Variants in RGSL1 observed in about 807,000 individuals in gnomAD.
RGSL1 encodes the protein regulator of G protein signaling like 1.
RGSL1 carries 97 observed loss-of-function variants against 124.7 expected under a neutral mutation model. That is an observed-to-expected ratio of 0.78 (90% CI 0.66 to 0.92). RGSL1 has a LOEUF of 0.92. Ranked by LOEUF, RGSL1 falls within the 40% of genes least tolerant of loss-of-function variation. The pLI, the probability that RGSL1 is intolerant of heterozygous loss-of-function variation, is 0.00. For missense variants in RGSL1, 1,233 were observed against 1,288.4 expected (o/e 0.96, Z 0.66); for synonymous variants, 424 against 438.1 (o/e 0.97, Z 0.40).
At chr1:182,529,255 G>A (rs1228383166) in intron 11 of RGSL1, among the ~76,000 whole-genome samples, 1 of 152,144 alleles carries the variant, frequency 6.6e-6, no homozygotes, top group African/African-American at 2.4e-5. Flanking sequence ...TACTAATGAA[G>A]TAAAGGAAAC....
At chr1:182,559,458 A>G (rs1306698302) in intron 21 of RGSL1, among the ~76,000 whole-genome samples, 4 of 151,944 alleles carry the variant, frequency 2.6e-5, no homozygotes, top group Admixed American at 6.6e-5. Context: ...CTTCCTCTCT[A>G]TCCCACTGGC....
rs541076277 is a variant in RGSL1, at chr1:182,540,422, G to T, written c.2669+1G>T. 6.5e-7 allele frequency: 1 copy of T among 1,549,432 alleles called. No individual in the cohort carries two copies. The highest frequency in any genetic ancestry group is 2.0e-5 in the Admixed American group (1 of 50,744). On this transcript the variant is annotated splice_donor_variant, in intron 15 of 21. Transcript: ENST00000294854. LOFTEE classifies it high-confidence loss of function. ...TATATTTCTTTTCTGAAATGGAGAA[G>T]TAAGTTTTCCACTTCTCCTTCTTCT...
chr1:182,543,410 C>T (rs950082844), intron 15 of RGSL1, among the ~76,000 whole-genome samples: 4 of 152,018 alleles, frequency 2.6e-5, no homozygotes, highest in African/African-American at 7.2e-5. Context: ...CATTAGATCA[C>T]GGTGAATGAT....
At chr1:182,453,900 G>A (rs1652054593) in intron 1 of RGSL1, 58 bp from the exon 2 acceptor site, 10 of 920,530 alleles carry the variant, frequency 1.1e-5, no homozygotes, top group Non-Finnish European at 1.5e-5. Context: ...TTCATTTTCT[G>A]AACCTGAATG....
chr1:182,497,608 A>C, intron 9 of RGSL1, among the ~76,000 whole-genome samples: 1 of 152,108 alleles, frequency 6.6e-6, no homozygotes, highest in Middle Eastern at 3.2e-3. Flanking sequence ...CAATACAATG[A>C]TCAGAATCAG....
At chr1:182,519,857 G>C (rs1298086410) in intron 9 of RGSL1, among the ~76,000 whole-genome samples, 1 of 151,812 alleles carries the variant, frequency 6.6e-6, no homozygotes, top group Non-Finnish European at 1.5e-5. Flanking sequence ...TCATCTACTA[G>C]TTGTTACTTT....
Position 182,489,059 on chromosome 1 carries a change from G to A in RGSL1, c.1574G>A (p.Arg525Lys). ...GKEENILLYKRIQQSLELSQA... is the reference protein window; with the variant it reads ...GKEENILLYKKIQQSLELSQA... Reference sequence around the variant, plus strand: ...GAAGAGAACATTCTTCTTTATAAGAGGATTCAGCAGTCTCTAGAGTTAAGC... The same window carrying A: ...GAAGAGAACATTCTTCTTTATAAGAAGATTCAGCAGTCTCTAGAGTTAAGC... Residue 525 changes from arginine (R) to lysine (K), a missense_variant, in exon 8 of 22, where the codon AGG becomes AAG. Transcript: ENST00000294854. 6.4e-7 allele frequency: 1 copy of A among 1,551,648 alleles called. No individual in the cohort carries two copies. Among genetic ancestry groups the A allele is most frequent in the Non-Finnish European group, 8.7e-7 (1 of 1,146,984 alleles).
intron 6 of RGSL1, among the ~76,000 whole-genome samples, chr1:182,486,994 C>A (rs115223872): frequency 0.02 from 3,056 of 152,244 alleles, 99 homozygotes; most frequent in African/African-American, 0.07. Flanking sequence ...ACCTTTTAAA[C>A]CAAAAGGGAT....
At chr1:182,545,637 T>G (rs1189089996) in intron 15 of RGSL1, among the ~76,000 whole-genome samples, 1 of 152,200 alleles carries the variant, frequency 6.6e-6, no homozygotes, top group Non-Finnish European at 1.5e-5. Context: ...GGAAAGGCTC[T>G]CTCTCCTTCA....
rs1329129828 is a variant in RGSL1, at chr1:182,554,658, C to T, written c.3162C>T (p.Leu1054=). ...SSSSKLTQPR[L]VVSAMQLHPV... is the part of the protein sequence containing the mutation. ...CAAGCAAACTTACTCAGCCAAGACT[C>T]GTGGTATCTGCCATGCAGCTGCATC... The change falls in exon 20 of 22, where the codon CTC becomes CTT. Residue 1054 remains leucine (L), a synonymous_variant. Coordinates refer to ENST00000294854, the MANE Select transcript of RGSL1 (RefSeq NM_001137669.2). 6 of 1,551,680 alleles carry T rather than the reference C, an allele frequency of 3.9e-6. No homozygotes were observed. The highest frequency in any genetic ancestry group is 4.4e-6 in the Non-Finnish European group (5 of 1,146,994).
At chr1:182,526,501 C>CT (rs1658752041) in intron 10 of RGSL1, among the ~76,000 whole-genome samples, 1 of 128,514 alleles carries the variant, frequency 7.8e-6, no homozygotes, top group South Asian at 2.5e-4. Context: ...AACTCCGTCT[C>CT]TAAAAAAAAA....
intron 9 of RGSL1, among the ~76,000 whole-genome samples, chr1:182,513,536 T>A (rs1483326211): frequency 2.0e-5 from 3 of 152,232 alleles, no homozygotes; most frequent in African/African-American, 7.2e-5. Flanking sequence ...TGGGAGCAGT[T>A]AAACTTTAGA....
At chr1:182,544,056 G>A (rs2102308911) in intron 15 of RGSL1, among the ~76,000 whole-genome samples, 1 of 151,970 alleles carries the variant, frequency 6.6e-6, no homozygotes, top group East Asian at 1.9e-4. Context: ...GGTTTGGTTT[G>A]TTCTTGTTTT....
intron 9 of RGSL1, among the ~76,000 whole-genome samples, chr1:182,515,636 A>G (rs1313091432): frequency 6.6e-6 from 1 of 151,790 alleles, no homozygotes; most frequent in East Asian, 1.9e-4. Context: ...TCTTTCCGCC[A>G]GTTTAGACCA....
At chr1:182,552,717 T>A (rs540950228) in intron 18 of RGSL1, among the ~76,000 whole-genome samples, 1 of 152,208 alleles carries the variant, frequency 6.6e-6, no homozygotes, top group African/African-American at 2.4e-5. Flanking sequence ...GACGGGGAAG[T>A]CCAAGAGCAT....
chr1:182,530,911 G>T lies in RGSL1; in HGVS notation c.2364+1G>T. The T allele has an allele frequency of 1.3e-6, 2 of 1,545,744 alleles. No homozygotes were observed. Among genetic ancestry groups the T allele is most frequent in the Non-Finnish European group, 1.7e-6 (2 of 1,144,760 alleles). ...GTCAACTTACCTACAGGAATCCCAG[G>T]TTAGTGAAGAAGAAAGTGAAACAAG... On this transcript the variant is annotated splice_donor_variant, in intron 13 of 21. Coordinates refer to ENST00000294854, the MANE Select transcript of RGSL1 (RefSeq NM_001137669.2). LOFTEE classifies it high-confidence loss of function.
chr1:182,484,708 G>A (rs1654967305), intron 6 of RGSL1, among the ~76,000 whole-genome samples: 1 of 152,218 alleles, frequency 6.6e-6, no homozygotes, highest in Non-Finnish European at 1.5e-5. Context: ...GAGTGTGGTA[G>A]ATGAAGCAAT....
chr1:182,501,617 C>G (rs1290393273), intron 9 of RGSL1, among the ~76,000 whole-genome samples: 1 of 152,008 alleles, frequency 6.6e-6, no homozygotes, highest in Non-Finnish European at 1.5e-5. Flanking sequence ...CTACGCCCCG[C>G]CTTGATGTGT....
intron 9 of RGSL1, among the ~76,000 whole-genome samples, chr1:182,520,256 A>G (rs1434253780): frequency 6.6e-6 from 1 of 152,162 alleles, no homozygotes; most frequent in South Asian, 2.1e-4. Context: ...CATTCCCTTC[A>G]TGATGAACTA....
Sources: allele counts gnomAD v4.1 joint callset (sites outside exome capture counted in the v4.1 genomes callset), GRCh38; gene constraint gnomAD v4.1.1; transcripts MANE v1.5; gene names NCBI Gene and HGNC (gene_info 2026-07-23, HGNC 2026-07-21).